Variants in SPATA45 observed in about 807,000 individuals in gnomAD.
SPATA45 encodes spermatogenesis associated 45, also known as spermatogenesis-associated protein 45.
Under a neutral mutation model 7.0 loss-of-function variants are expected in SPATA45, and 5 were observed. That is an observed-to-expected ratio of 0.71 (90% CI 0.37 to 1.50). SPATA45 has a LOEUF of 1.50. Ranked by LOEUF, SPATA45 falls within the 40% of genes most tolerant of loss-of-function variation. SPATA45 has a pLI of 0.03. For missense variants in SPATA45, 111 were observed against 114.9 expected, an observed-to-expected ratio of 0.97 and a Z score of 0.16; for synonymous variants, 40 against 38.7, an observed-to-expected ratio of 1.03 and a Z score of -0.13.
chr1:212,840,704 G>A (rs1215212234), intron 1 of SPATA45, among the ~76,000 whole-genome samples: 2 of 152,080 alleles, frequency 1.3e-5, no homozygotes, highest in Non-Finnish European at 2.9e-5. Context: ...TGCAAGCTCT[G>A]CCTCCTGGGT....
At chr1:212,835,815 G>A (rs1460415745) in intron 2 of SPATA45, 58 bp downstream of exon 2, 20 of 1,432,868 alleles carry the variant, frequency 1.4e-5, no homozygotes, top group East Asian at 4.7e-5. Flanking sequence ...CAGCCTGGGC[G>A]ACAAGAGCAA....
At chr1:212,835,089 GC>G (rs1663564318) in intron 2 of SPATA45, among the ~76,000 whole-genome samples, 1 of 151,544 alleles carries the variant, frequency 6.6e-6, no homozygotes. Flanking sequence ...CAATCCACCA[GC>G]CTAGTTTAAT....
At chr1:212,833,476 T>A (rs528521412) in intron 2 of SPATA45, among the ~76,000 whole-genome samples, 1 of 129,434 alleles carries the variant, frequency 7.7e-6, no homozygotes, top group South Asian at 2.4e-4. Context: ...CTGGCCAACA[T>A]GACGAAACCC....
At chr1:212,846,534 CCTAA>C (rs1663797610) in intron 1 of SPATA45, among the ~76,000 whole-genome samples, 1 of 152,100 alleles carries the variant, frequency 6.6e-6, no homozygotes. Context: ...CCTGCCCCAC[CCTAA>C]CTGATATGAT....
intron 1 of SPATA45, among the ~76,000 whole-genome samples, chr1:212,845,273 C>A (rs995219578): frequency 1.3e-5 from 2 of 152,180 alleles, no homozygotes; most frequent in African/African-American, 2.4e-5. Context: ...CAGGCCCCCT[C>A]CCTTCCCTAC....
At chr1:212,846,738 G>A (rs1359117790) in intron 1 of SPATA45, among the ~76,000 whole-genome samples, 1 of 152,148 alleles carries the variant, frequency 6.6e-6, no homozygotes, top group African/African-American at 2.4e-5. Context: ...CTGCACCCAG[G>A]TGAAATAAAC....
chr1:212,844,860 G>A (rs1558098998), intron 1 of SPATA45, among the ~76,000 whole-genome samples: 1 of 152,176 alleles, frequency 6.6e-6, no homozygotes. Context: ...GGAAGCTGGA[G>A]TCATTCACTG....
intron 1 of SPATA45, among the ~76,000 whole-genome samples, chr1:212,839,407 A>G (rs1236226022): frequency 6.6e-6 from 1 of 151,256 alleles, no homozygotes; most frequent in East Asian, 1.9e-4. Context: ...GCTTGAGCTC[A>G]GGAGTTCAAG....
chr1:212,846,817 T>C (rs1466890164), intron 1 of SPATA45, among the ~76,000 whole-genome samples: 1 of 152,210 alleles, frequency 6.6e-6, no homozygotes, highest in Non-Finnish European at 1.5e-5. Context: ...AAAGGGGCTT[T>C]GAAGGGCTCC....
chr1:212,836,311 C>CT, intron 1 of SPATA45, 124 bp from the exon 2 acceptor site: 1 of 705,286 alleles, frequency 1.4e-6, no homozygotes. Flanking sequence ...CACCAAGCCT[C>CT]CCACCCCACG....
intron 1 of SPATA45, among the ~76,000 whole-genome samples, chr1:212,844,450 G>A (rs968302882): frequency 5.3e-5 from 8 of 152,134 alleles, no homozygotes; most frequent in African/African-American, 1.9e-4. Context: ...CCCCCATGAC[G>A]CTATCTCTCT....
intron 1 of SPATA45, among the ~76,000 whole-genome samples, chr1:212,844,430 C>T (rs956801508): frequency 1.7e-4 from 26 of 152,162 alleles, no homozygotes; most frequent in African/African-American, 5.3e-4. Context: ...ATTCCTGATA[C>T]AACACCTGAC....
intron 1 of SPATA45, among the ~76,000 whole-genome samples, chr1:212,840,447 A>C (rs1456284887): frequency 6.6e-6 from 1 of 152,034 alleles, no homozygotes; most frequent in Admixed American, 6.6e-5. Flanking sequence ...ATTTTAAATT[A>C]TTTTGTTTTC....
intron 2 of SPATA45, among the ~76,000 whole-genome samples, chr1:212,835,549 T>C (rs1253964277): frequency 6.7e-6 from 1 of 148,656 alleles, no homozygotes; most frequent in Non-Finnish European, 1.5e-5. Flanking sequence ...AATCCTATCA[T>C]AGGCTGGGTG....
At chr1:212,832,358 GCTT>G (rs1418304414) in intron 2 of SPATA45, among the ~76,000 whole-genome samples, 15 of 97,272 alleles carry the variant, frequency 1.5e-4, no homozygotes, top group Admixed American at 8.9e-4. Context: ...TGAAATCTAA[GCTT>G]TTTTTTTTTT....
intron 1 of SPATA45, among the ~76,000 whole-genome samples, chr1:212,846,677 T>C (rs1172826961): frequency 6.6e-6 from 1 of 152,182 alleles, no homozygotes; most frequent in Non-Finnish European, 1.5e-5. Context: ...CTATATGAAC[T>C]AATGATAATC....
chr1:212,836,025 C>T lies in SPATA45; in HGVS notation c.125G>A (p.Ser42Asn). The change falls in exon 2 of 3, where the codon AGC becomes AAC. Residue 42 changes from serine to asparagine, a missense_variant. Ser to Asn is a conservative substitution (Grantham distance 46). Transcript: ENST00000332912. ...NCLVERSNQV[S>N]LLRVQKRHFP... ...GTGCCTCTTTTGAACTCTCAGTAAG[C>T]TGACTTGATTGCTTCGTTCCACCAA... 6.2e-7 allele frequency: 1 copy of T among 1,611,348 alleles called. No homozygotes were observed.
intron 2 of SPATA45, among the ~76,000 whole-genome samples, chr1:212,832,338 C>G (rs1378562799): frequency 2.2e-5 from 3 of 138,646 alleles, no homozygotes; most frequent in Non-Finnish European, 4.7e-5. Flanking sequence ...TTATCTGGCT[C>G]TCTACCCAGT....
Position 212,839,062 on chromosome 1 carries a change from A to G in SPATA45, c.-38-2875T>C, listed in dbSNP as rs149394874. 7.3e-3 allele frequency among the ~76,000 whole-genome samples: 1,105 copies of G among 150,624 alleles called. 23 individuals are homozygous for G. Among genetic ancestry groups the G allele is most frequent in the Middle Eastern group, 0.017 (5 of 288 alleles). On this transcript the variant is annotated intron_variant, in intron 1 of 2. Coordinates refer to ENST00000332912, the MANE Select transcript of SPATA45 (RefSeq NM_001024601.3). ...TCTAACAACCCAAATGTCCATCAGA[A>G]GCAGAACAAATAAATTGTGGTATAT...
Sources: gnomAD v4.1 joint callset for allele counts (sites outside exome capture counted in the v4.1 genomes callset) on GRCh38, gnomAD v4.1.1 for gene constraint, MANE v1.5 for transcripts, NCBI Gene and HGNC (gene_info 2026-07-23, HGNC 2026-07-21) for gene names.